Variants in ZNF254 observed in about 807,000 individuals in gnomAD.
ZNF254 encodes CTD-2017D11.1.
Under a neutral mutation model 12.4 loss-of-function variants are expected in ZNF254, and 10 were observed. That is an observed-to-expected ratio of 0.80 (90% CI 0.50 to 1.36). The LOEUF (loss-of-function observed/expected upper bound fraction) is 1.36. ZNF254 is among the 40% of genes most tolerant of loss of function. ZNF254 has a pLI of 0.00. For missense variants in ZNF254, 996 were observed against 763.9 expected, an observed-to-expected ratio of 1.30 and a Z score of -3.58; for synonymous variants, 305 against 253.4, an observed-to-expected ratio of 1.20 and a Z score of -1.93.
At chr19:24,061,121 C>T (rs887518290) in intron 2 of ZNF254, among the ~76,000 whole-genome samples, 1 of 152,028 alleles carries the variant, frequency 6.6e-6, no homozygotes, top group Non-Finnish European at 1.5e-5. Flanking sequence ...CCTGCCTGGG[C>T]CCTGCATAAA....
chr19:24,047,769 C>T (rs1326809410), intron 2 of ZNF254, among the ~76,000 whole-genome samples: 1 of 150,810 alleles, frequency 6.6e-6, no homozygotes, highest in African/African-American at 2.4e-5. Context: ...CTCACCACAA[C>T]CTCTACCTCC....
chr19:24,105,466 T>A (rs1379759593), intron 1 of ZNF254: 2 of 236,916 alleles, frequency 8.4e-6, no homozygotes, highest in Non-Finnish European at 1.6e-5. Context: ...TGGTAGAGAT[T>A]CATTAACTCA....
At chr19:24,044,535 C>T (rs1970302983) in intron 1 of ZNF254, among the ~76,000 whole-genome samples, 1 of 113,322 alleles carries the variant, frequency 8.8e-6, no homozygotes. Flanking sequence ...GAGACTCAGT[C>T]TCAAAAAAAA....
At chr19:24,117,346 C>T (rs1360895138) in intron 3 of ZNF254, among the ~76,000 whole-genome samples, 1 of 152,174 alleles carries the variant, frequency 6.6e-6, no homozygotes, top group Non-Finnish European at 1.5e-5. Context: ...GTGGGCTCCA[C>T]CCAGTTTGAG....
intron 2 of ZNF254, among the ~76,000 whole-genome samples, chr19:24,073,347 T>C (rs181066989): frequency 7.7e-4 from 117 of 152,318 alleles, no homozygotes; most frequent in Admixed American, 2.3e-3. Context: ...GAGTCTCTTC[T>C]TGGGACCCAG....
chr19:24,057,717 T>C (rs1037198155), intron 2 of ZNF254, among the ~76,000 whole-genome samples: 1 of 152,228 alleles, frequency 6.6e-6, no homozygotes, highest in African/African-American at 2.4e-5. Flanking sequence ...GTTAAGTTGG[T>C]GACTTTCAGA....
intron 2 of ZNF254, among the ~76,000 whole-genome samples, chr19:24,047,196 C>T (rs1970423658): frequency 6.6e-6 from 1 of 151,658 alleles, no homozygotes; most frequent in Non-Finnish European, 1.5e-5. Flanking sequence ...ATTTTTTTCT[C>T]CCTTTTTGTC....
chr19:24,101,125 ATG>A (rs1972999996), intron 1 of ZNF254, among the ~76,000 whole-genome samples: 1 of 152,204 alleles, frequency 6.6e-6, no homozygotes, highest in African/African-American at 2.4e-5. Flanking sequence ...AATTACAGGC[ATG>A]AGCCATGGCA....
chr19:24,087,396 A>G, intron 1 of ZNF254, 59 bp downstream of exon 1: 1 of 1,610,166 alleles, frequency 6.2e-7, no homozygotes, highest in Admixed American at 1.7e-5. Context: ...AACTGGTGGG[A>G]AGCGGCTGTG....
intron 1 of ZNF254, chr19:24,104,724 T>G (rs770210946): frequency 1.3e-5 from 2 of 152,326 alleles, no homozygotes; most frequent in South Asian, 4.2e-4. Context: ...TTGTGGCTGA[T>G]GAACATGGAG....
chr19:24,073,165 C>T lies in ZNF254; in HGVS notation c.-94+26886C>T, dbSNP rs190545082. Reference sequence around the variant, plus strand: ...CAGGTGAGACTGTGTTTCTCATATGCACAACCTACCAAATGTTAGCATTGT... The same window carrying T: ...CAGGTGAGACTGTGTTTCTCATATGTACAACCTACCAAATGTTAGCATTGT... On this transcript the variant is annotated intron_variant, in intron 2 of 4. Transcript: ENST00000613065. Among the ~76,000 whole-genome samples, 310 of 152,292 alleles carry T rather than the reference C, an allele frequency of 2.0e-3. 1 individual carries two copies. Among genetic ancestry groups the T allele is most frequent in the African/African-American group, 7.1e-3 (295 of 41,558 alleles).
chr19:24,124,656 A>AT (rs1180977621), intron 3 of ZNF254, among the ~76,000 whole-genome samples: 1 of 151,528 alleles, frequency 6.6e-6, no homozygotes, highest in Non-Finnish European at 1.5e-5. Context: ...TTTTTCCACA[A>AT]TTTTTGTCAT....
chr19:24,046,784 C>T lies in ZNF254; in HGVS notation c.-94+505C>T, dbSNP rs1443489739. On this transcript the variant is annotated intron_variant, in intron 2 of 4. Transcript: ENST00000613065. ...GGTGGGCAAACAGCTGGTGTGGCCT[C>T]CTGGAGGCTTCACCCAGTGCTGATT... 5.9e-5 allele frequency among the ~76,000 whole-genome samples: 9 copies of T among 151,930 alleles called. No individual in the cohort carries two copies. The East Asian group carries it at 1.4e-3, about 23-fold the overall frequency.
chr19:24,102,585 A>T (rs1973102339), intron 1 of ZNF254, among the ~76,000 whole-genome samples: 1 of 152,154 alleles, frequency 6.6e-6, no homozygotes. Flanking sequence ...AGAAGAGATC[A>T]GAGTTTTGGG....
intron 2 of ZNF254, among the ~76,000 whole-genome samples, chr19:24,069,153 T>C (rs966122401): frequency 6.6e-6 from 1 of 151,902 alleles, no homozygotes. Context: ...ACTACAGATG[T>C]GTGCCACCAA....
chr19:24,055,552 C>T (rs1970820066), intron 2 of ZNF254, among the ~76,000 whole-genome samples: 1 of 152,146 alleles, frequency 6.6e-6, no homozygotes, highest in African/African-American at 2.4e-5. Flanking sequence ...GCTGGGATTA[C>T]AGGTGTGAGC....
chr19:24,082,970 C>G (rs1971904140), upstream of ZNF254, among the ~76,000 whole-genome samples: 1 of 152,002 alleles, frequency 6.6e-6, no homozygotes, highest in Non-Finnish European at 1.5e-5. Context: ...CCAGCCAGAG[C>G]AATTAGAGAA....
Position 24,106,658 on chromosome 19 carries a change from A to G in ZNF254, c.253+15A>G, listed in dbSNP as rs1310902941. ...TGAACCCCCAGGTAGGTGAGAGTGAATACAACAGATGACATGGATGAGAGG... is the reference window on the plus strand; with the variant it reads ...TGAACCCCCAGGTAGGTGAGAGTGAGTACAACAGATGACATGGATGAGAGG... On this transcript the variant is annotated intron_variant, in intron 3 of 3. Transcript: ENST00000357002. 3.8e-6 allele frequency: 6 copies of G among 1,566,390 alleles called. No individual in the cohort carries two copies. Among genetic ancestry groups the G allele is most frequent in the African/African-American group, 1.4e-5 (1 of 73,672 alleles).
intron 1 of ZNF254, among the ~76,000 whole-genome samples, chr19:24,102,002 T>C (rs771704297): frequency 2.0e-5 from 3 of 152,180 alleles, no homozygotes; most frequent in Non-Finnish European, 1.5e-5. Context: ...GATAAACTAA[T>C]TGCTTCTATT....
Sources: gnomAD v4.1 joint callset for allele counts (sites outside exome capture counted in the v4.1 genomes callset) on GRCh38, gnomAD v4.1.1 for gene constraint, MANE v1.5 for transcripts, NCBI Gene and HGNC (gene_info 2026-07-23, HGNC 2026-07-21) for gene names.